DDC: variants seen among roughly 807,000 people sequenced by gnomAD.
DDC encodes the protein dopa decarboxylase, also known as aromatic-L-amino-acid decarboxylase.
DDC carries 43 observed loss-of-function variants against 60.0 expected under a neutral mutation model. That is an observed-to-expected ratio of 0.72 (90% CI 0.56 to 0.92). The LOEUF is 0.92. Ranked by LOEUF, DDC falls within the 40% of genes least tolerant of loss-of-function variation. The pLI is 0.00. For synonymous variants in DDC, 232 were observed against 234.6 expected (o/e 0.99, Z 0.10); for missense variants, 573 against 620.2 (o/e 0.92, Z 0.81).
chr7:50,474,606 G>A (rs1221118771), intron 11 of DDC, among the ~76,000 whole-genome samples: 1 of 152,178 alleles, frequency 6.6e-6, no homozygotes, highest in Non-Finnish European at 1.5e-5. Flanking sequence ...TGCTAGATGC[G>A]GGCAGAGCTG....
At chr7:50,545,362 T>C (rs1563045931) in intron 1 of DDC, among the ~76,000 whole-genome samples, 1 of 152,328 alleles carries the variant, frequency 6.6e-6, no homozygotes, top group Middle Eastern at 3.4e-3. Flanking sequence ...TAAGAATCAA[T>C]TGTATTTTCA....
chr7:50,557,732 G>A (rs942890345), intron 1 of DDC, among the ~76,000 whole-genome samples: 1 of 152,140 alleles, frequency 6.6e-6, no homozygotes, highest in Non-Finnish European at 1.5e-5. Context: ...TCACCATATA[G>A]GTCGCACCTA....
chr7:50,467,599 T>TAAAC (rs2042426645), intron 12 of DDC, among the ~76,000 whole-genome samples: 1 of 152,224 alleles, frequency 6.6e-6, no homozygotes, highest in Non-Finnish European at 1.5e-5. Flanking sequence ...AATGTTAGAA[T>TAAAC]AAACACCGTG....
intron 9 of DDC, among the ~76,000 whole-genome samples, chr7:50,487,624 G>T (rs1321888341): frequency 6.6e-6 from 1 of 151,974 alleles, no homozygotes. Context: ...GTGTGTTTAT[G>T]TATACATACA....
intron 13 of DDC, among the ~76,000 whole-genome samples, chr7:50,463,689 A>G (rs1433892340): frequency 3.3e-5 from 5 of 152,198 alleles, no homozygotes; most frequent in African/African-American, 1.2e-4. Flanking sequence ...TCCATGGTCT[A>G]AGTTTTTTTA....
chr7:50,518,625 C>T (rs2043803736), intron 6 of DDC, among the ~76,000 whole-genome samples: 1 of 152,148 alleles, frequency 6.6e-6, no homozygotes, highest in South Asian at 2.1e-4. Flanking sequence ...CAAACAAAAA[C>T]ATAAAGTGGG....
chr7:50,459,284 A>G (rs1335727234), intron 14 of DDC, among the ~76,000 whole-genome samples: 2 of 152,176 alleles, frequency 1.3e-5, no homozygotes, highest in Non-Finnish European at 2.9e-5. Context: ...GCTGGAGTGC[A>G]GTGGAGTGAT....
At chr7:50,461,354 A>C (rs917208631) in intron 14 of DDC, among the ~76,000 whole-genome samples, 9 of 152,258 alleles carry the variant, frequency 5.9e-5, no homozygotes, top group African/African-American at 2.2e-4. Flanking sequence ...AAATAAGTAC[A>C]AGTAAAATCA....
intron 1 of DDC, among the ~76,000 whole-genome samples, chr7:50,552,532 G>A (rs1030830421): frequency 6.6e-6 from 1 of 152,128 alleles, no homozygotes; most frequent in South Asian, 2.1e-4. Context: ...AGCCCCACAC[G>A]CTTCAAGAAG....
intron 9 of DDC, among the ~76,000 whole-genome samples, 157 bp downstream of exon 9, chr7:50,495,193 G>T (rs1233906705): frequency 6.6e-6 from 1 of 152,160 alleles, no homozygotes; most frequent in Non-Finnish European, 1.5e-5. Context: ...TTCCAGTGAG[G>T]CTAAGAATTA....
intron 6 of DDC, among the ~76,000 whole-genome samples, chr7:50,511,418 C>T (rs1025875094): frequency 6.6e-6 from 1 of 152,092 alleles, no homozygotes; most frequent in Admixed American, 6.5e-5. Context: ...GTAACCCCAA[C>T]ACTTTGGGAG....
Position 50,487,056 on chromosome 7 carries a change from A to T in DDC, c.945-7193T>A, listed in dbSNP as rs554581728. ...AAAGAACATTTTTGAAAACAGGCAAATGAAAAATTTTAAATATATAAGATC... is the reference window on the plus strand; with the variant it reads ...AAAGAACATTTTTGAAAACAGGCAATTGAAAAATTTTAAATATATAAGATC... On this transcript the variant is annotated intron_variant, in intron 9 of 14. Coordinates refer to ENST00000444124, the MANE Select transcript of DDC (RefSeq NM_001082971.2). Among the ~76,000 whole-genome samples the T allele has an allele frequency of 6.9e-4, 105 of 152,316 alleles. 1 individual carries two copies. The highest frequency in any genetic ancestry group is 2.5e-3 in the African/African-American group (103 of 41,572).
intron 8 of DDC, among the ~76,000 whole-genome samples, chr7:50,497,911 C>T (rs985097000): frequency 6.6e-6 from 1 of 152,130 alleles, no homozygotes; most frequent in African/African-American, 2.4e-5. Flanking sequence ...GTATTCTATA[C>T]CTCTGGTACC....
At chr7:50,562,127 C>A (rs920473456) in intron 1 of DDC, among the ~76,000 whole-genome samples, 1 of 152,220 alleles carries the variant, frequency 6.6e-6, no homozygotes, top group African/African-American at 2.4e-5. Flanking sequence ...GAAGAAGCTA[C>A]CCCTCTAGAG....
At position 50,545,178 on chromosome 7, in the gene DDC, T is replaced by G. The variant is rs577770850; in HGVS notation, c.-28-1065A>C. Among the ~76,000 whole-genome samples, 18 of 152,366 alleles carry G rather than the reference T, an allele frequency of 1.2e-4. No homozygotes were observed. In the South Asian group the frequency reaches 3.7e-3, roughly 32 times the overall value. On this transcript the variant is annotated intron_variant, in intron 1 of 14. Transcript: ENST00000444124. Reference sequence around the variant, plus strand: ...GACGCAAGAAGGTAGTGTGTCCCTTTGTTCAGCCTCAGCTGGGAACATACG... The same window carrying G: ...GACGCAAGAAGGTAGTGTGTCCCTTGGTTCAGCCTCAGCTGGGAACATACG...
chr7:50,466,869 A>G (rs1220076307), intron 13 of DDC, among the ~76,000 whole-genome samples: 1 of 152,198 alleles, frequency 6.6e-6, no homozygotes, highest in East Asian at 1.9e-4. Flanking sequence ...CACAGAAGAC[A>G]CTCAGATTAG....
At chr7:50,485,535 G>A (rs1352249842) in intron 9 of DDC, among the ~76,000 whole-genome samples, 2 of 152,176 alleles carry the variant, frequency 1.3e-5, no homozygotes, top group African/African-American at 4.8e-5. Flanking sequence ...CCATTTATAT[G>A]TTGTTTACTG....
intron 9 of DDC, among the ~76,000 whole-genome samples, chr7:50,485,411 A>G (rs1034428971): frequency 5.9e-5 from 9 of 152,230 alleles, no homozygotes; most frequent in African/African-American, 2.2e-4. Context: ...AAAGAGTACA[A>G]CCAAAGTGTT....
At chr7:50,514,205 G>A (rs929126686) in intron 6 of DDC, among the ~76,000 whole-genome samples, 2 of 152,194 alleles carry the variant, frequency 1.3e-5, no homozygotes, top group African/African-American at 4.8e-5. Context: ...GACTGCCTGG[G>A]TGGCCAGACC....
Sources: gnomAD v4.1 joint callset for allele counts (sites outside exome capture counted in the v4.1 genomes callset) on GRCh38, gnomAD v4.1.1 for gene constraint, MANE v1.5 for transcripts, NCBI Gene and HGNC (gene_info 2026-07-23, HGNC 2026-07-21) for gene names.